PARP16: variants seen among roughly 807,000 people sequenced by gnomAD.
PARP16 encodes poly(ADP-ribose) polymerase family member 16.
A neutral mutation model predicts 35.0 loss-of-function variants in PARP16; 31 were observed. That is an observed-to-expected ratio of 0.88 (90% CI 0.66 to 1.19). The LOEUF is 1.19. PARP16 is among the 50% of genes most tolerant of loss of function. The pLI is 0.00. For synonymous variants in PARP16, 162 were observed against 169.5 expected (o/e 0.96, Z 0.34); for missense variants, 424 against 411.2 (o/e 1.03, Z -0.27).
At chr15:65,254,198 T>C (rs1052656560), downstream of PARP16, among the ~76,000 whole-genome samples, 2 of 152,226 alleles carry the variant, frequency 1.3e-5, no homozygotes, top group Non-Finnish European at 2.9e-5. Context: ...CTTTCCCTTT[T>C]CAGGGCTGCA....
chr15:65,246,865 A>G (rs755289898), intron 3 of PARP16, among the ~76,000 whole-genome samples: 1 of 152,226 alleles, frequency 6.6e-6, no homozygotes, highest in Non-Finnish European at 1.5e-5. Context: ...TGTGGTTTAC[A>G]TGAATTCAAT....
intron 1 of PARP16, among the ~76,000 whole-genome samples, chr15:65,272,388 G>A (rs114730772): frequency 2.0e-5 from 3 of 152,190 alleles, no homozygotes; most frequent in Non-Finnish European, 4.4e-5. Context: ...CTGGGGACTT[G>A]GACTAACAGA....
At chr15:65,273,968 T>C (rs1010789698) in intron 1 of PARP16, among the ~76,000 whole-genome samples, 1 of 152,012 alleles carries the variant, frequency 6.6e-6, no homozygotes, top group Non-Finnish European at 1.5e-5. Flanking sequence ...AAAAATTTTT[T>C]TGGAGACAGG....
Position 65,258,638 on chromosome 15 carries a change from A to G in PARP16, c.*769T>C, listed in dbSNP as rs991339296. On this transcript the variant is annotated 3_prime_UTR_variant, in exon 6 of 6. Transcript: ENST00000649807. Reference sequence around the variant, plus strand: ...TTTCCCCTTTTACTCAGCAAAGACTAATTTGTTAAACAGCTATTAAAAAAA... The same window carrying G: ...TTTCCCCTTTTACTCAGCAAAGACTGATTTGTTAAACAGCTATTAAAAAAA... 6 of 152,654 alleles carry G rather than the reference A, an allele frequency of 3.9e-5. No homozygotes were observed. The highest frequency in any genetic ancestry group is 1.4e-4 in the African/African-American group (6 of 41,450). The allele number at this position is 152,654 out of a possible 1,614,324, so 9.5% of individuals were successfully genotyped here.
intron 3 of PARP16, among the ~76,000 whole-genome samples, chr15:65,246,751 C>G (rs1434455504): frequency 6.6e-6 from 1 of 152,156 alleles, no homozygotes; most frequent in Non-Finnish European, 1.5e-5. Flanking sequence ...GTGGCTCACA[C>G]AGATCTCAGT....
intron 2 of PARP16, among the ~76,000 whole-genome samples, chr15:65,250,870 C>CTTAT (rs1229043810): frequency 6.6e-6 from 1 of 152,094 alleles, no homozygotes; most frequent in Admixed American, 6.6e-5. Context: ...TTTCCCATCT[C>CTTAT]TTATTTATTT....
At chr15:65,244,255 T>C (rs538357622) in intron 3 of PARP16, among the ~76,000 whole-genome samples, 8 of 152,306 alleles carry the variant, frequency 5.3e-5, no homozygotes, top group African/African-American at 1.9e-4. Flanking sequence ...TAATATATAA[T>C]ATACAGATCA....
chr15:65,262,123 C>G (rs1052234278), intron 4 of PARP16, among the ~76,000 whole-genome samples: 12 of 148,030 alleles, frequency 8.1e-5, no homozygotes, highest in African/African-American at 3.0e-4. Context: ...CAAGCCAGAT[C>G]TTTTTTCTTT....
At chr15:65,242,791 T>C (rs567066270) in intron 3 of PARP16, among the ~76,000 whole-genome samples, 1 of 151,954 alleles carries the variant, frequency 6.6e-6, no homozygotes, top group South Asian at 2.1e-4. Flanking sequence ...CTTGGCTCAC[T>C]GCAACCTCTG....
chr15:65,267,014 G>C (rs1245428126), intron 2 of PARP16, among the ~76,000 whole-genome samples: 4 of 152,048 alleles, frequency 2.6e-5, no homozygotes, highest in African/African-American at 9.7e-5. Context: ...GGCCGAGGCA[G>C]GTGGATCATT....
chr15:65,242,809 G>A (rs1364231916), intron 3 of PARP16, among the ~76,000 whole-genome samples: 2 of 152,008 alleles, frequency 1.3e-5, no homozygotes, highest in Non-Finnish European at 2.9e-5. Context: ...CTGCCTCCCA[G>A]GTTCAAGCGA....
intron 2 of PARP16, among the ~76,000 whole-genome samples, chr15:65,253,067 T>C (rs1257757647): frequency 1.3e-5 from 2 of 149,428 alleles, no homozygotes; most frequent in African/African-American, 4.9e-5. Context: ...GAGGTGGATG[T>C]AGTAGCGGTG....
At chr15:65,252,678 C>A (rs2140786039) in intron 2 of PARP16, among the ~76,000 whole-genome samples, 1 of 152,290 alleles carries the variant, frequency 6.6e-6, no homozygotes, top group African/African-American at 2.4e-5. Flanking sequence ...GCTCCTCCTG[C>A]CCTTGAATCC....
At chr15:65,263,973 G>A (rs1400847146) in intron 3 of PARP16, among the ~76,000 whole-genome samples, 2 of 152,014 alleles carry the variant, frequency 1.3e-5, no homozygotes, top group African/African-American at 4.8e-5. Flanking sequence ...AAAGAAATGA[G>A]TCTCTCACAA....
At chr15:65,247,247 G>A (rs2089233159) in intron 3 of PARP16, among the ~76,000 whole-genome samples, 1 of 152,092 alleles carries the variant, frequency 6.6e-6, no homozygotes, top group Non-Finnish European at 1.5e-5. Flanking sequence ...CTCCTGACTT[G>A]GCCTCCCGAA....
At chr15:65,272,380 G>A (rs1567032919) in intron 1 of PARP16, among the ~76,000 whole-genome samples, 1 of 152,182 alleles carries the variant, frequency 6.6e-6, no homozygotes, top group East Asian at 1.9e-4. Context: ...ATAAGGGACT[G>A]GGGACTTGGA....
chr15:65,240,323 A>AGTGTGTGT (rs34811236), intron 3 of PARP16, among the ~76,000 whole-genome samples: 2,716 of 126,012 alleles, frequency 0.022, 54 homozygotes, highest in African/African-American at 0.041. Context: ...GGGGGGGGCT[A>AGTGTGTGT]GTGTGTGTGT....
chr15:65,280,073 C>T (rs920087540), intron 1 of PARP16, among the ~76,000 whole-genome samples: 5 of 151,802 alleles, frequency 3.3e-5, no homozygotes, highest in African/African-American at 7.3e-5. Flanking sequence ...ATAATAATAA[C>T]GATCTTCCCC....
intron 1 of PARP16, among the ~76,000 whole-genome samples, chr15:65,272,930 A>G (rs1424691829): frequency 6.6e-6 from 1 of 152,106 alleles, no homozygotes; most frequent in Non-Finnish European, 1.5e-5. Context: ...CTGTCCTCCC[A>G]AACCCTGGCA....
Sources: gnomAD v4.1 joint callset for allele counts (sites outside exome capture counted in the v4.1 genomes callset) on GRCh38, gnomAD v4.1.1 for gene constraint, MANE v1.5 for transcripts, NCBI Gene and HGNC (gene_info 2026-07-23, HGNC 2026-07-21) for gene names.